Variants in BTN2A2 observed in about 807,000 individuals in gnomAD.
The protein encoded by BTN2A2 is butyrophilin 2.
In BTN2A2, 29 loss-of-function variants were observed where a neutral mutation model predicts 34.7. The ratio of observed to expected loss-of-function variants is 0.84; its 90% CI spans 0.62 to 1.14. BTN2A2 has a LOEUF of 1.14. BTN2A2 is among the 50% of genes most tolerant of loss of function. The pLI, the probability that BTN2A2 is intolerant of heterozygous loss-of-function variation, is 0.00. For synonymous variants in BTN2A2, 240 were observed against 253.1 expected (o/e 0.95, Z 0.49); for missense variants, 612 against 651.5 (o/e 0.94, Z 0.66).
Position 26,394,282 on chromosome 6 carries a change from T to G in BTN2A2, c.*1315T>G. The G allele has an allele frequency of 1.4e-6, 1 of 700,674 alleles. No homozygotes were observed. The highest frequency in any genetic ancestry group is 2.7e-5 in the East Asian group (1 of 37,264). The allele number at this position is 700,674 out of a possible 1,614,324, so 43.4% of individuals were successfully genotyped here. A position where few individuals can be genotyped will look rare whatever the true frequency, so the allele number is the denominator to read the frequency against. ...AGTGGATCCTGGAAGTTAATCCATG[T>G]GCTGGTTAATTTTAGATGTCAACCT... On this transcript the variant is annotated 3_prime_UTR_variant, in exon 8 of 8. Coordinates refer to ENST00000356709, the MANE Select transcript of BTN2A2 (RefSeq NM_006995.5).
intron 7 of BTN2A2, chr6:26,391,139 C>G (rs569106839): frequency 1.9e-6 from 1 of 534,832 alleles, no homozygotes; most frequent in South Asian, 2.2e-5. Flanking sequence ...AGTCATTGCT[C>G]TTTGATTCTG....
intron 3 of BTN2A2, among the ~76,000 whole-genome samples, chr6:26,386,771 T>C (rs1439303282): frequency 6.6e-6 from 1 of 152,256 alleles, no homozygotes; most frequent in Non-Finnish European, 1.5e-5. Context: ...ATCTATTGTG[T>C]CATGCTTACC....
rs746936645 is a variant in BTN2A2, at chr6:26,385,239, A to T, written c.319A>T (p.Ile107Phe). The T allele has an allele frequency of 1.6e-5, 26 of 1,614,032 alleles. No homozygotes were observed. Among genetic ancestry groups the T allele is most frequent in the Non-Finnish European group, 2.1e-5 (25 of 1,180,030 alleles). Residue 107 changes from isoleucine to phenylalanine, a missense_variant, in exon 3 of 8, where the codon ATC becomes TTC. By Grantham distance (21) the Ile-to-Phe change is conservative (BLOSUM62 0). Transcript: ENST00000356709. ...RGRITFVSKD[I>F]NRGSVALVIH... ...AAGAATCACCTTTGTGAGCAAAGAC[A>T]TCAACAGGGGCAGCGTGGCCCTGGT...
rs1449867204 is a variant in BTN2A2, at chr6:26,384,919, G to GT, written c.95-88dup. Reference sequence around the variant, plus strand: ...ATATCTGCTTCCTTTCATCCCTGGAGTTTTTTTTGTTTGTTTGTTTTTGTT... The same window carrying GT: ...ATATCTGCTTCCTTTCATCCCTGGAGTTTTTTTTTGTTTGTTTGTTTTTGTT... On this transcript the variant is annotated intron_variant, in intron 2 of 7. Coordinates refer to ENST00000356709, the MANE Select transcript of BTN2A2 (RefSeq NM_006995.5). The surrounding 1 kb of genome is among the most constrained non-coding windows in gnomAD (Gnocchi z 4.0). 5.5e-5 allele frequency: 71 copies of GT among 1,285,934 alleles called. No homozygotes were observed. The highest frequency in any genetic ancestry group is 6.1e-5 in the Non-Finnish European group (58 of 945,216). The allele number at this position is 1,285,934 out of a possible 1,614,324, so 79.7% of individuals were successfully genotyped here. A position where few individuals can be genotyped will look rare whatever the true frequency, so the allele number is the denominator to read the frequency against.
chr6:26,392,339 G>C, intron 7 of BTN2A2, 36 bp from the exon 8 acceptor site: 1 of 1,614,132 alleles, frequency 6.2e-7, no homozygotes, highest in Non-Finnish European at 8.5e-7. Context: ...CAGGGTTCCT[G>C]AGACCCCAGG....
Position 26,385,163 on chromosome 6 carries a change from G to A in BTN2A2, c.243G>A (p.Val81=), listed in dbSNP as rs376950043. ...FRSQFSPAVF[V]YKGGRERTEE... ...CTCAGTTCTCCCCCGCAGTGTTTGTGTATAAGGGTGGGAGAGAGAGAACAG... is the reference window on the plus strand; with the variant it reads ...CTCAGTTCTCCCCCGCAGTGTTTGTATATAAGGGTGGGAGAGAGAGAACAG... Residue 81 remains valine (V), a synonymous_variant, in exon 3 of 8, where the codon GTG becomes GTA. Transcript: ENST00000356709. 21 of 1,614,080 alleles carry A rather than the reference G, an allele frequency of 1.3e-5. No homozygotes were observed. The African/African-American group carries it at 2.4e-4, about 18-fold the overall frequency.
At chr6:26,388,431 T>C in intron 4 of BTN2A2, 137 bp downstream of exon 4, 2 of 981,588 alleles carry the variant, frequency 2.0e-6, no homozygotes, top group Non-Finnish European at 3.1e-6. Flanking sequence ...TGCAGCTGAG[T>C]TGAGACGTCT....
chr6:26,388,840 G>A (rs1169290980), intron 4 of BTN2A2, among the ~76,000 whole-genome samples: 1 of 151,920 alleles, frequency 6.6e-6, no homozygotes, highest in African/African-American at 2.4e-5. Flanking sequence ...GAGAGACAGC[G>A]GCCGGGCACG....
Position 26,390,160 on chromosome 6 carries a change from A to C in BTN2A2, c.880A>C (p.Lys294Gln). The C allele has an allele frequency of 1.9e-6, 3 of 1,614,214 alleles. No individual in the cohort carries two copies. Among genetic ancestry groups the C allele is most frequent in the Non-Finnish European group, 2.5e-6 (3 of 1,180,032 alleles). The change falls in exon 5 of 8, where the codon AAG becomes CAG. Residue 294 changes from lysine (K) to glutamine (Q), a missense_variant. Transcript: ENST00000356709. ...CCIKKLQREK[K>Q]ILSGEKKVEQ... ...CATCAAGAAACTTCAAAGGGAAAAA[A>C]AGATTCTGTCAGGGGAAAAGAAAGT...
chr6:26,385,145 C>A lies in BTN2A2; in HGVS notation c.225C>A (p.Phe75Leu), dbSNP rs1031355474. ...AGGTGCGGTGGTTCCGGTCTCAGTT[C>A]TCCCCCGCAGTGTTTGTGTATAAGG... ...DMEVRWFRSQ[F>L]SPAVFVYKGG... is the part of the protein sequence containing the mutation. The change falls in exon 3 of 8, where the codon TTC becomes TTA. Residue 75 changes from phenylalanine (F) to leucine (L), a missense_variant. Physicochemically the swap from Phe to Leu is conservative, Grantham distance 22. Transcript: ENST00000356709. 2.5e-6 allele frequency: 4 copies of A among 1,613,928 alleles called. No individual in the cohort carries two copies. The highest frequency in any genetic ancestry group is 3.4e-6 in the Non-Finnish European group (4 of 1,179,998).
intron 4 of BTN2A2, among the ~76,000 whole-genome samples, chr6:26,388,828 G>A (rs180814629): frequency 2.6e-5 from 4 of 152,304 alleles, no homozygotes; most frequent in Admixed American, 2.6e-4. Flanking sequence ...TCATATTCTA[G>A]AGAGAGACAG....
intron 3 of BTN2A2, among the ~76,000 whole-genome samples, chr6:26,386,936 G>C (rs1240310371): frequency 6.6e-6 from 1 of 152,180 alleles, no homozygotes; most frequent in African/African-American, 2.4e-5. Context: ...AAAGCACTAG[G>C]CTTAAGTGAT....
chr6:26,394,463 A>G lies in BTN2A2; in HGVS notation c.*1496A>G, dbSNP rs1479383760. 7 of 618,198 alleles carry G rather than the reference A, an allele frequency of 1.1e-5. No homozygotes were observed. Among genetic ancestry groups the G allele is most frequent in the Non-Finnish European group, 2.1e-5 (7 of 339,212 alleles). The allele number at this position is 618,198 out of a possible 1,614,324, so 38.3% of individuals were successfully genotyped here. On this transcript the variant is annotated 3_prime_UTR_variant, in exon 8 of 8. Coordinates refer to ENST00000356709, the MANE Select transcript of BTN2A2 (RefSeq NM_006995.5). ...ACAACAAAAAGGCAGAGGAAAGGCA[A>G]ATTCTTCTCTCCTCTGGAGCTGAGA...
rs558372484 is a variant in BTN2A2 at position 26,392,992 on chromosome 6, A to G, written c.*25A>G. 165 of 1,614,008 alleles carry G rather than the reference A, an allele frequency of 1.0e-4. 2 individuals are homozygous for G. In the South Asian group the frequency reaches 1.7e-3, roughly 17 times the overall value. On this transcript the variant is annotated 3_prime_UTR_variant, in exon 8 of 8. Coordinates refer to ENST00000356709, the MANE Select transcript of BTN2A2 (RefSeq NM_006995.5). Reference sequence around the variant, plus strand: ...GAATCAATTCCTTGGACTCACAGCCATGCAGATAAGCCCTGGCCATCTCAG... The same window carrying G: ...GAATCAATTCCTTGGACTCACAGCCGTGCAGATAAGCCCTGGCCATCTCAG...
In BTN2A2 at chr6:26,390,510, A is replaced by T; in HGVS notation, c.932-177A>T. On this transcript the variant is annotated intron_variant, in intron 5 of 7. Transcript: ENST00000356709. ...CAGACAAAAGTCTAACAATGTACTG[A>T]TACTACCCAGCCATCTGATCATACA... 3.6e-6 allele frequency: 3 copies of T among 824,052 alleles called. No individual in the cohort carries two copies. In the South Asian group the frequency reaches 4.9e-5, roughly 13 times the overall value. 51.0% of individuals were successfully genotyped at this position (824,052 alleles called of 1,614,324 possible).
intron 7 of BTN2A2, 183 bp downstream of exon 7, chr6:26,391,012 G>A (rs962042003): frequency 3.6e-6 from 3 of 837,872 alleles, no homozygotes; most frequent in Non-Finnish European, 5.9e-6. Flanking sequence ...AACCCCAGCA[G>A]CTCTTAATGA....
rs773740968 is a variant in BTN2A2, at chr6:26,385,366, C to T, written c.442+4C>T. 6 of 1,609,786 alleles carry T rather than the reference C, an allele frequency of 3.7e-6. No individual in the cohort carries two copies. The East Asian group carries it at 1.3e-4, about 36-fold the overall frequency. ...ATCCTACGCCTCGTGGTGGCAGGTG[C>T]ATCACTTCATTTTGCTTTATTACTT... On this transcript the variant is annotated splice_donor_region_variant and intron_variant, in intron 3 of 7. Transcript: ENST00000356709.
intron 5 of BTN2A2, 64 bp downstream of exon 5, chr6:26,390,275 G>C: frequency 6.7e-7 from 1 of 1,491,990 alleles, no homozygotes; most frequent in Non-Finnish European, 9.1e-7. Context: ...AGTTAAATGA[G>C]TAGGAGGACA....
chr6:26,390,293 G>C (rs1032953494), intron 5 of BTN2A2, 82 bp downstream of exon 5: 1 of 1,385,994 alleles, frequency 7.2e-7, no homozygotes, highest in African/African-American at 1.5e-5. Context: ...ACAATTGACT[G>C]TCATAGAAAG....
Sources: allele counts gnomAD v4.1 joint callset (sites outside exome capture counted in the v4.1 genomes callset), GRCh38; gene constraint gnomAD v4.1.1; non-coding constraint Gnocchi (gnomAD v3.1); transcripts MANE v1.5; gene names NCBI Gene and HGNC (gene_info 2026-07-23, HGNC 2026-07-21).